Variants in AP4S1 observed in about 807,000 individuals in gnomAD.
AP4S1 encodes AP-4 complex subunit sigma-1.
In AP4S1, 23 loss-of-function variants were observed where a neutral mutation model predicts 19.8. That is an observed-to-expected ratio of 1.16 (90% CI 0.84 to 1.65). AP4S1 has a LOEUF of 1.65. Among genes scored for constraint, AP4S1 ranks in the 40% most tolerant of loss-of-function variants. The pLI, the probability that AP4S1 is intolerant of heterozygous loss-of-function variation, is 0.00. For synonymous variants in AP4S1, 46 were observed against 54.1 expected, an observed-to-expected ratio of 0.85 and a Z score of 0.66; for missense variants, 166 against 172.8, an observed-to-expected ratio of 0.96 and a Z score of 0.22.
At chr14:31,092,336 AG>A (rs1179471522) in intron 5 of AP4S1, among the ~76,000 whole-genome samples, 5 of 152,186 alleles carry the variant, frequency 3.3e-5, no homozygotes, top group African/African-American at 7.2e-5. Flanking sequence ...GCCCCTCCTG[AG>A]GAGCCTATAA....
intron 1 of AP4S1, among the ~76,000 whole-genome samples, chr14:31,036,933 C>T (rs1223130283): frequency 6.6e-6 from 1 of 152,092 alleles, no homozygotes; most frequent in African/African-American, 2.4e-5. Context: ...CTGCCTCAGC[C>T]TCCCAAGTAG....
chr14:31,025,876 C>G, intron 1 of AP4S1, 89 bp downstream of exon 1: 1 of 1,587,804 alleles, frequency 6.3e-7, no homozygotes, highest in Non-Finnish European at 8.6e-7. Flanking sequence ...GCCGCCGCAG[C>G]TCCCGCACAC....
chr14:31,073,160 T>C (rs982327090), intron 4 of AP4S1, 187 bp downstream of exon 4: 6 of 606,874 alleles, frequency 9.9e-6, no homozygotes, highest in African/African-American at 9.5e-5. Flanking sequence ...AGCCTATACA[T>C]GCCTGAGATC....
chr14:31,037,786 C>CA (rs1884865664), intron 1 of AP4S1, among the ~76,000 whole-genome samples: 1 of 151,928 alleles, frequency 6.6e-6, no homozygotes. Flanking sequence ...CCTGTCTCTA[C>CA]AAAAAAATAA....
intron 1 of AP4S1, among the ~76,000 whole-genome samples, chr14:31,035,782 T>C (rs1453835294): frequency 6.6e-6 from 1 of 151,800 alleles, no homozygotes; most frequent in Admixed American, 6.6e-5. Context: ...CAGGCTGGAG[T>C]GCAGTGGTGC....
chr14:31,069,754 G>T (rs181577265), intron 2 of AP4S1, 89 bp from the exon 3 acceptor site: 1 of 961,316 alleles, frequency 1.0e-6, no homozygotes, highest in East Asian at 2.4e-5. Flanking sequence ...AATGTTTGTC[G>T]GGTAAATCAG....
At chr14:31,044,936 T>C (rs1425716276) in intron 1 of AP4S1, among the ~76,000 whole-genome samples, 1 of 151,674 alleles carries the variant, frequency 6.6e-6, no homozygotes, top group Non-Finnish European at 1.5e-5. Context: ...AGAGTCTCGC[T>C]CTGTTGCCAG....
chr14:31,069,251 T>C (rs1246727754), intron 2 of AP4S1, among the ~76,000 whole-genome samples: 1 of 152,202 alleles, frequency 6.6e-6, no homozygotes, highest in African/African-American at 2.4e-5. Context: ...AGGCTAGTTA[T>C]TAATTCATAT....
chr14:31,078,176 T>G (rs938811531), intron 4 of AP4S1, among the ~76,000 whole-genome samples: 1 of 152,178 alleles, frequency 6.6e-6, no homozygotes, highest in Non-Finnish European at 1.5e-5. Context: ...GAGACTGGCC[T>G]TGGGGACAGA....
At chr14:31,049,938 T>C (rs1885688122) in intron 1 of AP4S1, among the ~76,000 whole-genome samples, 1 of 151,960 alleles carries the variant, frequency 6.6e-6, no homozygotes, top group South Asian at 2.1e-4. Context: ...TTTTGTTTGG[T>C]TTTGGAGGAG....
intron 1 of AP4S1, among the ~76,000 whole-genome samples, chr14:31,049,431 ATATATATATATATATAT>A (rs1885632570): frequency 9.1e-5 from 4 of 44,112 alleles, no homozygotes; most frequent in South Asian, 1.2e-3. Flanking sequence ...AAAAAAAAAT[ATATATATATATATATAT>A]ATATATATAT....
intron 2 of AP4S1, among the ~76,000 whole-genome samples, chr14:31,067,131 A>G (rs957908736): frequency 6.6e-6 from 1 of 151,780 alleles, no homozygotes. Context: ...TTGTTTGAAC[A>G]TGGGAGGTGA....
chr14:31,034,909 G>A (rs1042715865), intron 1 of AP4S1, among the ~76,000 whole-genome samples: 1 of 151,836 alleles, frequency 6.6e-6, no homozygotes, highest in Non-Finnish European at 1.5e-5. Flanking sequence ...TTACAGGCAT[G>A]AGCCACCGTG....
At chr14:31,041,338 G>T (rs11846285) in intron 1 of AP4S1, among the ~76,000 whole-genome samples, 1 of 151,884 alleles carries the variant, frequency 6.6e-6, no homozygotes, top group South Asian at 2.1e-4. Context: ...TTAGTAGTGA[G>T]GGGGTTTCAC....
chr14:31,090,196 G>A (rs575160941), intron 5 of AP4S1, among the ~76,000 whole-genome samples: 3 of 152,178 alleles, frequency 2.0e-5, no homozygotes, highest in African/African-American at 7.2e-5. Flanking sequence ...ATATTGGCCA[G>A]GCTGGTCTCG....
chr14:31,067,876 A>G (rs994548200), intron 2 of AP4S1, among the ~76,000 whole-genome samples: 3 of 139,798 alleles, frequency 2.1e-5, no homozygotes, highest in Non-Finnish European at 3.1e-5. Flanking sequence ...TGAACACAAT[A>G]TTTTTTTTTT....
chr14:31,053,582 CTTTTTTCTTTTTTT>C (rs1885929687), intron 1 of AP4S1, among the ~76,000 whole-genome samples: 1 of 104,998 alleles, frequency 9.5e-6, no homozygotes, highest in Non-Finnish European at 1.9e-5. Context: ...TTTTTAGTGA[CTTTTTTCTTTTTTT>C]TTTTTTTTTT....
At chr14:31,058,272 G>A (rs915180063) in intron 1 of AP4S1, among the ~76,000 whole-genome samples, 4 of 152,036 alleles carry the variant, frequency 2.6e-5, no homozygotes, top group African/African-American at 9.7e-5. Flanking sequence ...AGTCTTAAAA[G>A]CATGTTCATG....
intron 1 of AP4S1, chr14:31,026,202 G>C (rs1423569999): frequency 1.4e-6 from 2 of 1,404,688 alleles, no homozygotes; most frequent in Admixed American, 6.9e-5. Flanking sequence ...TGGGGCCCCG[G>C]CCGGGGCGCA....
Sources: gnomAD v4.1 joint callset for allele counts (sites outside exome capture counted in the v4.1 genomes callset) on GRCh38, gnomAD v4.1.1 for gene constraint, MANE v1.5 for transcripts, NCBI Gene and HGNC (gene_info 2026-07-23, HGNC 2026-07-21) for gene names.